The following RPS6KA5 variants were observed in gnomAD, a reference collection of about 807,000 sequenced individuals.
RPS6KA5 encodes the protein ribosomal protein S6 kinase alpha-5.
Under a neutral mutation model 85.5 loss-of-function variants are expected in RPS6KA5, and 27 were observed. The ratio of observed to expected loss-of-function variants is 0.32; its 90% CI spans 0.23 to 0.44. RPS6KA5 has a LOEUF of 0.44. Among genes scored for constraint, RPS6KA5 ranks in the 20% least tolerant of loss-of-function variants. The pLI is 1.00. For synonymous variants in RPS6KA5, 334 were observed against 348.2 expected, an observed-to-expected ratio of 0.96 and a Z score of 0.46; for missense variants, 811 against 980.9, an observed-to-expected ratio of 0.83 and a Z score of 2.31.
intron 12 of RPS6KA5, among the ~76,000 whole-genome samples, chr14:90,898,294 A>G (rs534320274): frequency 1.3e-5 from 2 of 152,314 alleles, no homozygotes; most frequent in South Asian, 4.1e-4. Flanking sequence ...TGCCTGGTAC[A>G]GAACCTAGAC....
rs1345554109 is a variant in RPS6KA5 at position 90,927,993 on chromosome 14, T to TGG, written c.619-4799_619-4798dup. ...TTCTGTCATCCAGGCTGGAGTGTAG[T>TGG]GGTGTGATCACAGCTCACTGCAGTT... On this transcript the variant is annotated intron_variant, in intron 5 of 16. Transcript: ENST00000614987. Among the ~76,000 whole-genome samples, 3 of 150,488 alleles carry TGG rather than the reference T, an allele frequency of 2.0e-5. No individual in the cohort carries two copies. In the Admixed American group the frequency reaches 2.0e-4, roughly 10 times the overall value.
intron 5 of RPS6KA5, among the ~76,000 whole-genome samples, chr14:90,937,212 A>G (rs1243479705): frequency 1.3e-5 from 2 of 152,080 alleles, no homozygotes; most frequent in Non-Finnish European, 2.9e-5. Context: ...TAAAGTAACT[A>G]AAAAGTATTA....
At chr14:90,962,694 T>G (rs1595349600) in intron 3 of RPS6KA5, among the ~76,000 whole-genome samples, 1 of 152,174 alleles carries the variant, frequency 6.6e-6, no homozygotes. Flanking sequence ...TTTAACGTAG[T>G]ACAAAATTTT....
chr14:90,949,307 T>C lies in RPS6KA5; in HGVS notation c.395-1757A>G, dbSNP rs567501768. 5.3e-5 allele frequency among the ~76,000 whole-genome samples: 8 copies of C among 152,372 alleles called. No individual in the cohort carries two copies. The South Asian group carries it at 1.7e-3, about 32-fold the overall frequency. On this transcript the variant is annotated intron_variant, in intron 3 of 16. Coordinates refer to ENST00000614987, the MANE Select transcript of RPS6KA5 (RefSeq NM_004755.4). The stretch of plus-strand genomic sequence containing the variant: ...TCCAATTCAATCATCTCTTCTTCTA[T>C]GGCCACTCCAGTAGAGCTGATTACT...
intron 1 of RPS6KA5, among the ~76,000 whole-genome samples, chr14:91,050,596 T>C (rs928583389): frequency 3.9e-5 from 6 of 152,082 alleles, no homozygotes; most frequent in Admixed American, 2.6e-4. Context: ...GGCTGGCTAA[T>C]TTTTGTATTT....
intron 5 of RPS6KA5, among the ~76,000 whole-genome samples, chr14:90,925,254 T>C (rs2036595934): frequency 6.6e-6 from 1 of 152,124 alleles, no homozygotes; most frequent in Non-Finnish European, 1.5e-5. Context: ...TTTAATACCC[T>C]GTGAGGATAA....
chr14:90,913,487 TC>T (rs11323971), intron 7 of RPS6KA5, among the ~76,000 whole-genome samples: 5,006 of 152,278 alleles, frequency 0.033, 274 homozygotes, highest in African/African-American at 0.12. Flanking sequence ...GGCTAAGGCT[TC>T]CTTAGTGAAC....
At chr14:91,034,926 A>C (rs1211824980) in intron 1 of RPS6KA5, among the ~76,000 whole-genome samples, 1 of 144,948 alleles carries the variant, frequency 6.9e-6, no homozygotes, top group African/African-American at 2.6e-5. Context: ...CACAAAAAAG[A>C]AAAAAAAAAC....
intron 14 of RPS6KA5, among the ~76,000 whole-genome samples, chr14:90,886,104 G>T (rs1476102868): frequency 1.3e-5 from 2 of 151,742 alleles, no homozygotes; most frequent in African/African-American, 4.8e-5. Context: ...CTGCATATAT[G>T]TATTATATAT....
At chr14:91,046,466 G>A (rs1398461965) in intron 1 of RPS6KA5, among the ~76,000 whole-genome samples, 1 of 152,182 alleles carries the variant, frequency 6.6e-6, no homozygotes, top group East Asian at 1.9e-4. Context: ...GTGGGCTAGT[G>A]CAAATCTACC....
At chr14:91,033,467 T>A (rs1371961829) in intron 1 of RPS6KA5, among the ~76,000 whole-genome samples, 2 of 152,042 alleles carry the variant, frequency 1.3e-5, no homozygotes, top group African/African-American at 2.4e-5. Context: ...CTGGGTGTGG[T>A]GGTGCATGCC....
chr14:91,018,892 A>C (rs911481446), intron 1 of RPS6KA5, among the ~76,000 whole-genome samples: 2 of 151,852 alleles, frequency 1.3e-5, no homozygotes, highest in Non-Finnish European at 2.9e-5. Context: ...CCTCTGGAGA[A>C]CCCTGACTTA....
At chr14:90,962,661 T>C (rs2038867243) in intron 3 of RPS6KA5, among the ~76,000 whole-genome samples, 1 of 151,952 alleles carries the variant, frequency 6.6e-6, no homozygotes, top group African/African-American at 2.4e-5. Context: ...CCTGGGCGGT[T>C]TTCTCGAAAA....
intron 13 of RPS6KA5, chr14:90,893,864 G>T: frequency 3.2e-6 from 1 of 310,054 alleles, no homozygotes; most frequent in Non-Finnish European, 4.7e-6. Context: ...CATATAAATA[G>T]CTGTTACTTT....
intron 7 of RPS6KA5, among the ~76,000 whole-genome samples, chr14:90,910,007 C>T (rs759864636): frequency 6.6e-6 from 1 of 152,082 alleles, no homozygotes; most frequent in Admixed American, 6.5e-5. Flanking sequence ...AACTCCTGAC[C>T]TCAGGTGATC....
At chr14:90,947,364 G>C (rs909007655) in intron 4 of RPS6KA5, 71 bp downstream of exon 4, 1 of 798,322 alleles carries the variant, frequency 1.3e-6, no homozygotes, top group Admixed American at 2.2e-5. Context: ...AAAAACATTA[G>C]CTCTTCCAGC....
In RPS6KA5 at chr14:90,900,719, A is replaced by G; in HGVS notation, c.1137T>C (p.Ala379=). 1.2e-6 allele frequency: 2 copies of G among 1,612,594 alleles called. No homozygotes were observed. The change falls in exon 10 of 17, where the codon GCT becomes GCC. Residue 379 remains alanine, a synonymous_variant. Coordinates refer to ENST00000614987, the MANE Select transcript of RPS6KA5 (RefSeq NM_004755.4). ...EKLFQGYSFV[A]PSILFKRNAA... Reference sequence around the variant, plus strand: ...CATTACGCTTGAATAGGATGGAAGGAGCAACAAAGGAATAGCCCTAAAAAC... The same window carrying G: ...CATTACGCTTGAATAGGATGGAAGGGGCAACAAAGGAATAGCCCTAAAAAC...
intron 3 of RPS6KA5, among the ~76,000 whole-genome samples, chr14:90,966,596 T>G (rs1310541661): frequency 1.3e-5 from 2 of 152,220 alleles, no homozygotes; most frequent in Admixed American, 6.5e-5. Context: ...ATTGTACATT[T>G]TATTCTAAAA....
chr14:90,942,315 A>C (rs1481620841), intron 5 of RPS6KA5, among the ~76,000 whole-genome samples: 1 of 152,204 alleles, frequency 6.6e-6, no homozygotes. Flanking sequence ...TCACTACAAA[A>C]ATTTTAGTAT....
Sources: allele counts gnomAD v4.1 joint callset (sites outside exome capture counted in the v4.1 genomes callset), GRCh38; gene constraint gnomAD v4.1.1; transcripts MANE v1.5; gene names NCBI Gene and HGNC (gene_info 2026-07-23, HGNC 2026-07-21).